EPHB4: variants seen among roughly 807,000 people sequenced by gnomAD.
EPHB4 encodes EPH receptor B4.
EPHB4 carries 50 observed loss-of-function variants against 110.6 expected under a neutral mutation model. The ratio of observed to expected loss-of-function variants is 0.45; its 90% confidence interval spans 0.36 to 0.57. EPHB4 has a LOEUF of 0.57. EPHB4 is among the 20% of genes least tolerant of loss of function. The pLI is 0.00. For synonymous variants in EPHB4, 592 were observed against 578.4 expected, an observed-to-expected ratio of 1.02 and a Z score of -0.34; for missense variants, 1,128 against 1,382.1, an observed-to-expected ratio of 0.82 and a Z score of 2.91.
rs1177830099 is a variant in EPHB4 at position 100,827,217 on chromosome 7, CCGCGCG to C, written c.-193_-188del. On this transcript the variant is annotated 5_prime_UTR_variant, in exon 1 of 17. Transcript: ENST00000358173. ...CGCCAAGTGTGGCCCCGCGTCTGTG[CCGCGCG>C]CGCGGGCGGCGGGCCCGGAGCGTGC... is the stretch of plus-strand genomic sequence containing the variant. 1 of 322,356 alleles carries C rather than the reference CCGCGCG, an allele frequency of 3.1e-6. No individual in the cohort carries two copies. The highest frequency in any genetic ancestry group is 7.0e-5 in the East Asian group (1 of 14,212). 20.0% of individuals were successfully genotyped at this position (322,356 alleles called of 1,614,324 possible).
At chr7:100,806,609 G>T (rs1812823003) in intron 13 of EPHB4, 40 bp from the exon 14 acceptor site, 1 of 1,591,496 alleles carries the variant, frequency 6.3e-7, no homozygotes, top group African/African-American at 1.3e-5. Flanking sequence ...GGGACTCACT[G>T]AGGGACTCAC....
chr7:100,820,297 C>A lies in EPHB4; in HGVS notation c.809-1G>T. The A allele has an allele frequency of 6.2e-7, 1 of 1,613,250 alleles. No homozygotes were observed. ...GGCTTGAAGGTGCCCTGGGCACAGGCTGAGAGAGAGAAAGCATTCATCAAA... is the reference window on the plus strand; with the variant it reads ...GGCTTGAAGGTGCCCTGGGCACAGGATGAGAGAGAGAAAGCATTCATCAAA... On this transcript the variant is annotated splice_acceptor_variant, in intron 4 of 16. Transcript: ENST00000358173. LOFTEE classifies it high-confidence loss of function.
chr7:100,822,812 T>C lies in EPHB4; in HGVS notation c.412-145A>G, dbSNP rs1813270474. The C allele has an allele frequency of 7.8e-7, 1 of 1,281,336 alleles. No individual in the cohort carries two copies. The highest frequency in any genetic ancestry group is 1.0e-6 in the Non-Finnish European group (1 of 961,458). The allele number at this position is 1,281,336 out of a possible 1,614,324, so 79.4% of individuals were successfully genotyped here. On this transcript the variant is annotated intron_variant, in intron 3 of 16. Coordinates refer to ENST00000358173, the MANE Select transcript of EPHB4 (RefSeq NM_004444.5). This position sits in a 1 kb window ranked among gnomAD's most constrained non-coding sequence, Gnocchi z 4.7. ...TCCACCTTCCCCAGGGCACACTTTC[T>C]GCAGGCCCCCACACTGTCCATTCAG...
intron 5 of EPHB4, 104 bp downstream of exon 5, chr7:100,820,037 G>A (rs942612736): frequency 5.9e-6 from 9 of 1,526,414 alleles, no homozygotes; most frequent in African/African-American, 5.5e-5. Flanking sequence ...AGCATGCCAG[G>A]GACAAAGGGA....
chr7:100,810,142 C>A (rs1293693522), intron 12 of EPHB4, among the ~76,000 whole-genome samples: 1 of 152,152 alleles, frequency 6.6e-6, no homozygotes, highest in Non-Finnish European at 1.5e-5. Context: ...CCCAGCTACT[C>A]AGGAGGCTGA....
intron 11 of EPHB4, 27 bp from the exon 12 acceptor site, chr7:100,813,021 A>G (rs1163657467): frequency 6.2e-7 from 1 of 1,612,504 alleles, no homozygotes; most frequent in Non-Finnish European, 8.5e-7. Context: ...AGAGGTCATC[A>G]GCTCTCCCGC....
chr7:100,822,360 C>A lies in EPHB4; in HGVS notation c.719G>T (p.Arg240Leu). 1 of 1,571,910 alleles carries A rather than the reference C, an allele frequency of 6.4e-7. No individual in the cohort carries two copies. The highest frequency in any genetic ancestry group is 8.6e-7 in the Non-Finnish European group (1 of 1,157,804). ...CTGTTCGGCCCACTGGCCATCCTCA[C>A]GGCAGTAGAGGCTGGGGCTGGGGCC... ...APGPSPSLYC[R>L]EDGQWAEQPV... The change falls in exon 4 of 17, where the codon CGT becomes CTT. Residue 240 changes from arginine to leucine, a missense_variant. Transcript: ENST00000358173. The surrounding 1 kb of genome is among the most constrained non-coding windows in gnomAD (Gnocchi z 4.7).
At position 100,812,673 on chromosome 7, in the gene EPHB4, G is replaced by A. The variant is rs1166058494; in HGVS notation, c.2118+74C>T. The A allele has an allele frequency of 6.5e-6, 10 of 1,550,288 alleles. No individual in the cohort carries two copies. In the Middle Eastern group the frequency reaches 5.7e-4, roughly 89 times the overall value. ...GACCTGGGACCCACTGTCTGTCCTGGCTTCTTAACCCAAGTGGCCTCTGGG... is the reference window on the plus strand; with the variant it reads ...GACCTGGGACCCACTGTCTGTCCTGACTTCTTAACCCAAGTGGCCTCTGGG... On this transcript the variant is annotated intron_variant, in intron 12 of 16. Coordinates refer to ENST00000358173, the MANE Select transcript of EPHB4 (RefSeq NM_004444.5).
At chr7:100,811,356 T>A (rs757289879) in intron 12 of EPHB4, among the ~76,000 whole-genome samples, 15 of 152,046 alleles carry the variant, frequency 9.9e-5, no homozygotes, top group Non-Finnish European at 2.1e-4. Context: ...TCTAGCCACA[T>A]CTGCATGAAG....
chr7:100,810,753 T>C (rs1812910323), intron 12 of EPHB4, among the ~76,000 whole-genome samples: 1 of 151,624 alleles, frequency 6.6e-6, no homozygotes, highest in South Asian at 2.1e-4. Context: ...CTAAAATAAA[T>C]AAATAAAATA....
At chr7:100,815,363 G>A (rs1467341931) in intron 8 of EPHB4, among the ~76,000 whole-genome samples, 5 of 151,848 alleles carry the variant, frequency 3.3e-5, no homozygotes, top group Non-Finnish European at 1.5e-5. Flanking sequence ...AAAAACCCAC[G>A]GATATATACT....
At chr7:100,805,752 C>T (rs1812806062) in intron 14 of EPHB4, 58 bp from the exon 15 acceptor site, 3 of 1,385,396 alleles carry the variant, frequency 2.2e-6, no homozygotes, top group Non-Finnish European at 1.9e-6. Flanking sequence ...AAGATGCTAA[C>T]AGGCCCAGGA....
In EPHB4 at chr7:100,817,308, C is replaced by T. The variant is rs571706886; in HGVS notation, c.1472G>A (p.Arg491Gln). 6.9e-6 allele frequency: 11 copies of T among 1,591,230 alleles called. No individual in the cohort carries two copies. The highest frequency in any genetic ancestry group is 5.2e-5 in the Admixed American group (3 of 57,302). The change falls in exon 8 of 17, where the codon CGG becomes CAG. Residue 491 changes from arginine to glutamine, a missense_variant. Transcript: ENST00000358173. ...CCGCTTCAGCCCCCGCAGCTCTGCCCGGTTTTCTGACGTCTTCAGGAACCG... is the reference window on the plus strand; with the variant it reads ...CCGCTTCAGCCCCCGCAGCTCTGCCTGGTTTTCTGACGTCTTCAGGAACCG... ...SVRFLKTSEN[R>Q]AELRGLKRGA...
At chr7:100,813,056 G>T in intron 11 of EPHB4, 39 bp downstream of exon 11, 1 of 1,612,720 alleles carries the variant, frequency 6.2e-7, no homozygotes, top group Non-Finnish European at 8.5e-7. Flanking sequence ...GCCCACCCCC[G>T]CTTCGTTCCC....
chr7:100,814,110 T>C, intron 8 of EPHB4, 89 bp from the exon 9 acceptor site: 1 of 1,413,068 alleles, frequency 7.1e-7, no homozygotes, highest in Non-Finnish European at 9.7e-7. Flanking sequence ...TGTGATCTCC[T>C]GAGAACAGGT....
chr7:100,810,237 G>A (rs1381288654), intron 12 of EPHB4, among the ~76,000 whole-genome samples: 1 of 152,002 alleles, frequency 6.6e-6, no homozygotes, highest in Non-Finnish European at 1.5e-5. Flanking sequence ...GCGACAGCAG[G>A]ACTCCATCTC....
Position 100,802,973 on chromosome 7 carries a change from G to A in EPHB4, c.*488C>T, listed in dbSNP as rs1562965714. On this transcript the variant is annotated 3_prime_UTR_variant, in exon 17 of 17. Transcript: ENST00000358173. ...CTTCAATATGAAGGCAGCAGCTGGG[G>A]GAGGGGCATTTACAAGGGAAAAAAA... The A allele has an allele frequency of 2.6e-5, 4 of 152,824 alleles. No individual in the cohort carries two copies. The highest frequency in any genetic ancestry group is 9.6e-5 in the African/African-American group (4 of 41,592). The allele number at this position is 152,824 out of a possible 1,614,324, so 9.5% of individuals were successfully genotyped here.
At position 100,813,535 on chromosome 7, in the gene EPHB4, C is replaced by T. The variant is rs1332227981; in HGVS notation, c.1756+117G>A. The T allele has an allele frequency of 1.5e-5, 17 of 1,101,226 alleles. No homozygotes were observed. The East Asian group carries it at 1.9e-4, about 12-fold the overall frequency. The allele number at this position is 1,101,226 out of a possible 1,614,324, so 68.2% of individuals were successfully genotyped here. On this transcript the variant is annotated intron_variant, in intron 10 of 16. Coordinates refer to ENST00000358173, the MANE Select transcript of EPHB4 (RefSeq NM_004444.5). ...TTCAACATGTTGGCCAGGCTGGTCT[C>T]GAACTCCTGACCTCAAGTGATCTGC...
chr7:100,807,732 C>T (rs750035830), intron 12 of EPHB4, 152 bp from the exon 13 acceptor site: 21 of 734,488 alleles, frequency 2.9e-5, no homozygotes, highest in Non-Finnish European at 4.2e-5. Context: ...GCCTCAACCT[C>T]CTGGGCTCAG....
Sources: gnomAD v4.1 joint callset for allele counts (sites outside exome capture counted in the v4.1 genomes callset) on GRCh38, gnomAD v4.1.1 for gene constraint, Gnocchi (gnomAD v3.1) non-coding constraint, MANE v1.5 for transcripts, NCBI Gene and HGNC (gene_info 2026-07-23, HGNC 2026-07-21) for gene names.